Variants in ZNF704 observed in about 807,000 individuals in gnomAD.
ZNF704 encodes the protein glucocorticoid induced gene 1.
ZNF704 carries 10 observed loss-of-function variants against 44.7 expected under a neutral mutation model. The ratio of observed to expected loss-of-function variants is 0.22; its 90% CI spans 0.14 to 0.38. ZNF704 has a LOEUF of 0.38. Ranked by LOEUF, ZNF704 falls within the 10% of genes least tolerant of loss-of-function variation. ZNF704 has a pLI of 1.00. For missense variants in ZNF704, 390 were observed against 545.5 expected, an observed-to-expected ratio of 0.71 and a Z score of 2.84; for synonymous variants, 211 against 207.6, an observed-to-expected ratio of 1.02 and a Z score of -0.14.
At chr8:80,736,676 G>T (rs953322146) in intron 2 of ZNF704, among the ~76,000 whole-genome samples, 1 of 152,148 alleles carries the variant, frequency 6.6e-6, no homozygotes, top group African/African-American at 2.4e-5. Flanking sequence ...ATGATACAAT[G>T]GACTTTGGGG....
chr8:80,745,093 A>G (rs2131697988), intron 2 of ZNF704, among the ~76,000 whole-genome samples: 1 of 152,272 alleles, frequency 6.6e-6, no homozygotes, highest in East Asian at 1.9e-4. Context: ...GAGGACACCC[A>G]TTTCTTCTAT....
intron 2 of ZNF704, among the ~76,000 whole-genome samples, chr8:80,771,947 T>C (rs1240924753): frequency 6.6e-6 from 1 of 152,220 alleles, no homozygotes; most frequent in Non-Finnish European, 1.5e-5. Flanking sequence ...GATTATGTGA[T>C]GTTTCTTCTT....
At chr8:80,721,013 T>C (rs996661677) in intron 2 of ZNF704, among the ~76,000 whole-genome samples, 1 of 152,224 alleles carries the variant, frequency 6.6e-6, no homozygotes, top group East Asian at 1.9e-4. Context: ...TCGCATTGTG[T>C]GACCACCACC....
intron 6 of ZNF704, among the ~76,000 whole-genome samples, chr8:80,663,803 T>C (rs984006473): frequency 2.0e-5 from 3 of 152,114 alleles, no homozygotes; most frequent in Admixed American, 2.0e-4. Context: ...CACAGCTCAC[T>C]GCAGCCTCAA....
At chr8:80,679,086 T>C (rs1818411927) in intron 4 of ZNF704, among the ~76,000 whole-genome samples, 2 of 152,144 alleles carry the variant, frequency 1.3e-5, no homozygotes, top group South Asian at 4.1e-4. Flanking sequence ...AATTCCTCCC[T>C]TGTAGAGCCT....
rs888213082 is a variant in ZNF704 at position 80,640,274 on chromosome 8, G to A, written c.*1092C>T. The A allele has an allele frequency of 5.9e-5, 9 of 152,640 alleles. No individual in the cohort carries two copies. Among genetic ancestry groups the A allele is most frequent in the Admixed American group, 1.3e-4 (2 of 15,288 alleles). The allele number at this position is 152,640 out of a possible 1,614,324, so 9.5% of individuals were successfully genotyped here. ...CATAAAACCTATAAAAGTGCACTCA[G>A]AATGGAAGTGGTTTGTTGATCTAAC... On this transcript the variant is annotated 3_prime_UTR_variant, in exon 9 of 9. Transcript: ENST00000327835.
intron 2 of ZNF704, among the ~76,000 whole-genome samples, chr8:80,749,287 G>A (rs1806901392): frequency 6.6e-6 from 1 of 152,240 alleles, no homozygotes; most frequent in Admixed American, 6.5e-5. Flanking sequence ...TGGAATTACA[G>A]GTGTGAGCCC....
chr8:80,852,119 C>A (rs944401133), intron 1 of ZNF704, among the ~76,000 whole-genome samples: 6 of 152,148 alleles, frequency 3.9e-5, no homozygotes, highest in African/African-American at 1.4e-4. Context: ...CCTTGAAAAA[C>A]ACACTCTATG....
At chr8:80,872,360 T>C (rs1390076237) in intron 1 of ZNF704, among the ~76,000 whole-genome samples, 1 of 152,236 alleles carries the variant, frequency 6.6e-6, no homozygotes, top group Admixed American at 6.5e-5. Context: ...TGCCCACATC[T>C]ACTCTGGGGC....
At position 80,786,681 on chromosome 8, in the gene ZNF704, A is replaced by G. The variant is rs558666586; in HGVS notation, c.221+34693T>C. Among the ~76,000 whole-genome samples, 4 of 152,322 alleles carry G rather than the reference A, an allele frequency of 2.6e-5. No homozygotes were observed. In the East Asian group the frequency reaches 7.7e-4, roughly 29 times the overall value. ...AGAAATGTGCTGGTCTTGAAAAGTC[A>G]TGAACTCTGTATCATAAATAGGTGT... On this transcript the variant is annotated intron_variant, in intron 2 of 8. Coordinates refer to ENST00000327835, the MANE Select transcript of ZNF704 (RefSeq NM_001033723.3).
At chr8:80,877,608 G>A (rs974257825), upstream of ZNF704, among the ~76,000 whole-genome samples, 23 of 152,160 alleles carry the variant, frequency 1.5e-4, no homozygotes, top group African/African-American at 5.3e-4. Flanking sequence ...GAGGAAATGT[G>A]CCTCTGAGCC....
rs1367773801 is a variant in ZNF704, at chr8:80,629,717, A to G, written c.*11649T>C. 6.6e-6 allele frequency: 1 copy of G among 152,210 alleles called. No individual in the cohort carries two copies. The highest frequency in any genetic ancestry group is 2.4e-5 in the African/African-American group (1 of 41,466). The allele number at this position is 152,210 out of a possible 1,614,324, so 9.4% of individuals were successfully genotyped here. ...ATTTGCTTTGCTGGACAATATTTTC[A>G]TATTTTGTTCTTTGAAACTATAACT... On this transcript the variant is annotated 3_prime_UTR_variant, in exon 9 of 9. Coordinates refer to ENST00000327835, the MANE Select transcript of ZNF704 (RefSeq NM_001033723.3).
At chr8:80,804,748 T>C (rs1563559413) in intron 2 of ZNF704, among the ~76,000 whole-genome samples, 1 of 152,038 alleles carries the variant, frequency 6.6e-6, no homozygotes. Context: ...ATCTAGGTGA[T>C]GGTATGATCT....
chr8:80,783,002 T>C (rs1404901109), intron 2 of ZNF704, among the ~76,000 whole-genome samples: 1 of 152,172 alleles, frequency 6.6e-6, no homozygotes, highest in Non-Finnish European at 1.5e-5. Context: ...GGCACTGTAC[T>C]TGGAAACCAC....
chr8:80,726,873 C>T (rs1482088149), intron 2 of ZNF704, among the ~76,000 whole-genome samples: 1 of 151,542 alleles, frequency 6.6e-6, no homozygotes, highest in African/African-American at 2.4e-5. Flanking sequence ...ACACAGTTTC[C>T]TATAATGGTT....
chr8:80,642,157 G>A (rs1585915926), intron 8 of ZNF704, among the ~76,000 whole-genome samples: 1 of 152,152 alleles, frequency 6.6e-6, no homozygotes, highest in East Asian at 1.9e-4. Flanking sequence ...ACTGCAAATA[G>A]TACAAACCCT....
chr8:80,653,883 T>A (rs993588466), intron 7 of ZNF704, among the ~76,000 whole-genome samples: 4 of 152,020 alleles, frequency 2.6e-5, no homozygotes, highest in Admixed American at 6.6e-5. Context: ...CATTGCCAAG[T>A]CAATCCTAAG....
At chr8:80,794,161 G>A (rs1012662197) in intron 2 of ZNF704, among the ~76,000 whole-genome samples, 5 of 152,088 alleles carry the variant, frequency 3.3e-5, no homozygotes, top group African/African-American at 7.2e-5. Context: ...ATGAATAAAC[G>A]AGATGTATAT....
intron 2 of ZNF704, among the ~76,000 whole-genome samples, chr8:80,783,591 C>CT (rs1302484677): frequency 6.6e-6 from 1 of 151,996 alleles, no homozygotes; most frequent in African/African-American, 2.4e-5. Context: ...AATTAATAAA[C>CT]TTTGTTTTTT....
Sources: gnomAD v4.1 joint callset for allele counts (sites outside exome capture counted in the v4.1 genomes callset) on GRCh38, gnomAD v4.1.1 for gene constraint, MANE v1.5 for transcripts, NCBI Gene and HGNC (gene_info 2026-07-23, HGNC 2026-07-21) for gene names.